The following CTNND2 variants were observed in gnomAD, a reference collection of about 807,000 sequenced individuals.
The protein encoded by CTNND2 is catenin delta-2.
Under a neutral mutation model 144.4 loss-of-function variants are expected in CTNND2, and 22 were observed. The observed-to-expected ratio is 0.15, with a 90% CI of 0.11 to 0.22. CTNND2 has a LOEUF of 0.22. CTNND2 is among the 10% of genes least tolerant of loss of function. The pLI is 1.00. For synonymous variants in CTNND2, 751 were observed against 695.6 expected, an observed-to-expected ratio of 1.08 and a Z score of -1.25; for missense variants, 1,353 against 1,618.8, an observed-to-expected ratio of 0.84 and a Z score of 2.82.
chr5:11,519,586 C>T (rs1165665151), intron 3 of CTNND2, among the ~76,000 whole-genome samples: 3 of 150,750 alleles, frequency 2.0e-5, no homozygotes, highest in African/African-American at 7.3e-5. Context: ...TCTTCTGCAT[C>T]TCTAGTTTCT....
At chr5:11,476,096 C>T (rs1389962932) in intron 3 of CTNND2, among the ~76,000 whole-genome samples, 6 of 150,132 alleles carry the variant, frequency 4.0e-5, no homozygotes, top group Admixed American at 1.3e-4. Flanking sequence ...GTCTGGAACT[C>T]CTTGACTCAA....
At chr5:11,410,014 T>C (rs1211027524) in intron 5 of CTNND2, among the ~76,000 whole-genome samples, 2 of 152,106 alleles carry the variant, frequency 1.3e-5, no homozygotes, top group East Asian at 1.9e-4. Flanking sequence ...TATATTATTA[T>C]ATTAAAAAAT....
intron 2 of CTNND2, among the ~76,000 whole-genome samples, chr5:11,595,850 T>C (rs561222914): frequency 1.3e-5 from 2 of 152,250 alleles, no homozygotes; most frequent in African/African-American, 2.4e-5. Context: ...TTAAAACACA[T>C]TAATTAATTA....
At chr5:10,985,684 G>A (rs752307870) in intron 20 of CTNND2, among the ~76,000 whole-genome samples, 10 of 152,188 alleles carry the variant, frequency 6.6e-5, no homozygotes, top group South Asian at 2.1e-4. Flanking sequence ...TAAATGTTCC[G>A]TAGATTTGTT....
chr5:11,162,904 C>CAT (rs1758924318), intron 11 of CTNND2, among the ~76,000 whole-genome samples: 2 of 98,698 alleles, frequency 2.0e-5, no homozygotes, highest in East Asian at 4.6e-4. Context: ...CACACACACA[C>CAT]ACACACACAT....
At position 11,054,600 on chromosome 5, in the gene CTNND2, G is replaced by A. The variant is rs1207139613; in HGVS notation, c.2788+28096C>T. On this transcript the variant is annotated intron_variant, in intron 16 of 21. Transcript: ENST00000304623. ...CCAGTCCCCACGCTTGCCTCCCATC[G>A]TTCATCATCTCCCAGCTCCTCCTTG... is the stretch of plus-strand genomic sequence containing the variant. 3.3e-5 allele frequency among the ~76,000 whole-genome samples: 5 copies of A among 152,024 alleles called. No homozygotes were observed. The East Asian group carries it at 7.8e-4, about 24-fold the overall frequency.
intron 1 of CTNND2, among the ~76,000 whole-genome samples, chr5:11,868,729 G>A (rs1242733241): frequency 6.6e-6 from 1 of 152,048 alleles, no homozygotes; most frequent in Non-Finnish European, 1.5e-5. Context: ...GGGACTGATG[G>A]CTTTGTAAGA....
At chr5:11,315,185 A>G (rs1230152596) in intron 9 of CTNND2, among the ~76,000 whole-genome samples, 1 of 152,178 alleles carries the variant, frequency 6.6e-6, no homozygotes, top group Non-Finnish European at 1.5e-5. Context: ...CAAAACTATG[A>G]TCCTCTCCAT....
chr5:10,988,404 T>C lies in CTNND2; in HGVS notation c.3212-162A>G, dbSNP rs1015474423. ...ATTTTTATTTTTTGGCAGTTTTGGCTCTTGTCCCTGCCCCATTCCCTCACC... is the reference window on the plus strand; with the variant it reads ...ATTTTTATTTTTTGGCAGTTTTGGCCCTTGTCCCTGCCCCATTCCCTCACC... On this transcript the variant is annotated intron_variant, in intron 19 of 21. Coordinates refer to ENST00000304623, the MANE Select transcript of CTNND2 (RefSeq NM_001332.4). This position sits in a 1 kb window ranked among gnomAD's most constrained non-coding sequence, Gnocchi z 5.9. Among the ~76,000 whole-genome samples, 2 of 152,164 alleles carry C rather than the reference T, an allele frequency of 1.3e-5. No individual in the cohort carries two copies. The highest frequency in any genetic ancestry group is 2.9e-5 in the Non-Finnish European group (2 of 68,044).
intron 3 of CTNND2, among the ~76,000 whole-genome samples, chr5:11,511,722 C>T (rs1467727502): frequency 6.6e-6 from 1 of 152,036 alleles, no homozygotes; most frequent in Non-Finnish European, 1.5e-5. Context: ...AGAAATCCTC[C>T]CCCATTGTGA....
intron 2 of CTNND2, among the ~76,000 whole-genome samples, chr5:11,576,257 T>G (rs1319159243): frequency 6.6e-6 from 1 of 152,058 alleles, no homozygotes; most frequent in Non-Finnish European, 1.5e-5. Flanking sequence ...ACAGCCAAAA[T>G]TTTTCATGAA....
At chr5:11,769,532 G>A (rs1273739657) in intron 1 of CTNND2, among the ~76,000 whole-genome samples, 1 of 152,070 alleles carries the variant, frequency 6.6e-6, no homozygotes, top group East Asian at 1.9e-4. Flanking sequence ...CATTCTTCTA[G>A]AGCTTAAAAA....
Position 11,022,751 on chromosome 5 carries a change from C to T in CTNND2, c.2999+18G>A, listed in dbSNP as rs547413321. ...CAATTTTACCAGGACAGAGATATGG[C>T]GTCACCAGGTAACTTACTTATCTCC... On this transcript the variant is annotated intron_variant, in intron 17 of 21. Coordinates refer to ENST00000304623, the MANE Select transcript of CTNND2 (RefSeq NM_001332.4). 4.8e-5 allele frequency: 77 copies of T among 1,600,442 alleles called. No individual in the cohort carries two copies. In the South Asian group the frequency reaches 6.3e-4, roughly 13 times the overall value.
At chr5:11,554,973 TAATAC>T in intron 3 of CTNND2, among the ~76,000 whole-genome samples, 1 of 151,562 alleles carries the variant, frequency 6.6e-6, no homozygotes, top group East Asian at 1.9e-4. Context: ...AAAAAATGAA[TAATAC>T]AATAGATAAT....
In CTNND2 at chr5:11,887,264, G is replaced by T. The variant is rs939706896; in HGVS notation, c.37+16553C>A. Among the ~76,000 whole-genome samples the T allele has an allele frequency of 1.1e-4, 17 of 152,126 alleles. No homozygotes were observed. The East Asian group carries it at 1.2e-3, about 10-fold the overall frequency. On this transcript the variant is annotated intron_variant, in intron 1 of 21. Coordinates refer to ENST00000304623, the MANE Select transcript of CTNND2 (RefSeq NM_001332.4). Reference sequence around the variant, plus strand: ...TCCCAAAGTGCTGGGATTACAGGCAGGAGCCACCACATCCGGCCTATTCTA... The same window carrying T: ...TCCCAAAGTGCTGGGATTACAGGCATGAGCCACCACATCCGGCCTATTCTA...
intron 1 of CTNND2, among the ~76,000 whole-genome samples, chr5:11,900,684 C>T (rs1395487982): frequency 1.3e-5 from 2 of 152,176 alleles, no homozygotes; most frequent in Non-Finnish European, 2.9e-5. Context: ...GACAGGAGAA[C>T]ACCTTCAGAA....
At chr5:11,866,078 G>A (rs1795755981) in intron 1 of CTNND2, among the ~76,000 whole-genome samples, 1 of 152,078 alleles carries the variant, frequency 6.6e-6, no homozygotes, top group African/African-American at 2.4e-5. Context: ...CAAAGTGGGA[G>A]GATCTCTTGA....
chr5:11,396,910 G>T, intron 6 of CTNND2, 121 bp downstream of exon 6: 2 of 914,058 alleles, frequency 2.2e-6, no homozygotes, highest in Non-Finnish European at 3.3e-6. Context: ...TTTCCCTCAA[G>T]TTGAGGGACA....
At chr5:11,180,763 T>C (rs1332076518) in intron 11 of CTNND2, among the ~76,000 whole-genome samples, 1 of 152,214 alleles carries the variant, frequency 6.6e-6, no homozygotes, top group Non-Finnish European at 1.5e-5. Context: ...ACAGTGAAAA[T>C]GTGATCTGGC....
Sources: gnomAD v4.1 joint callset for allele counts (sites outside exome capture counted in the v4.1 genomes callset) on GRCh38, gnomAD v4.1.1 for gene constraint, Gnocchi (gnomAD v3.1) non-coding constraint, MANE v1.5 for transcripts, NCBI Gene and HGNC (gene_info 2026-07-23, HGNC 2026-07-21) for gene names.